The following ACP6 variants were observed in gnomAD, a reference collection of about 807,000 sequenced individuals.
ACP6 encodes the protein lysophosphatidic acid phosphatase type 6.
In ACP6, 48 loss-of-function variants were observed where a neutral mutation model predicts 48.1. That is an observed-to-expected ratio of 1.00 (90% CI 0.79 to 1.27). The LOEUF is 1.27. ACP6 is among the 50% of genes most tolerant of loss of function. ACP6 has a pLI of 0.00. For missense variants in ACP6, 485 were observed against 529.1 expected (o/e 0.92, Z 0.82); for synonymous variants, 172 against 204.2 (o/e 0.84, Z 1.34).
At chr1:147,651,546 T>C (rs1412750908) in intron 7 of ACP6, 3 of 152,016 alleles carry the variant, frequency 2.0e-5, no homozygotes, top group African/African-American at 7.3e-5. Context: ...ACAATTTAGG[T>C]ATGGTGGCAC....
intron 1 of ACP6, among the ~76,000 whole-genome samples, chr1:147,662,700 G>T (rs1660606923): frequency 6.6e-6 from 1 of 152,220 alleles, no homozygotes; most frequent in African/African-American, 2.4e-5. Flanking sequence ...TGTGAACACT[G>T]TTGAAATTAC....
intron 4 of ACP6, among the ~76,000 whole-genome samples, chr1:147,656,732 A>G (rs1553211682): frequency 1.3e-5 from 2 of 152,228 alleles, no homozygotes; most frequent in East Asian, 3.8e-4. Flanking sequence ...AAACAAGTTA[A>G]TATATGCGAA....
At chr1:147,649,570 G>A (rs1570952181) in intron 8 of ACP6, among the ~76,000 whole-genome samples, 1 of 151,862 alleles carries the variant, frequency 6.6e-6, no homozygotes, top group Non-Finnish European at 1.5e-5. Flanking sequence ...TCAACCTCCC[G>A]AGTAGCTGAG....
chr1:147,660,657 G>A lies in ACP6; in HGVS notation c.220-882C>T, dbSNP rs995717807. 4.6e-5 allele frequency among the ~76,000 whole-genome samples: 7 copies of A among 152,148 alleles called. No homozygotes were observed. In the South Asian group the frequency reaches 8.3e-4, roughly 18 times the overall value. ...TAGAATGTAAACCTTATTAGTGCCT[G>A]TGACAAACTCCTCCCTTTCACCTGC... On this transcript the variant is annotated intron_variant, in intron 1 of 9. Coordinates refer to ENST00000583509, the MANE Select transcript of ACP6 (RefSeq NM_016361.5).
Position 147,655,225 on chromosome 1 carries a change from C to T in ACP6, c.583G>A (p.Glu195Lys), listed in dbSNP as rs1660191369. Residue 195 changes from glutamate to lysine, a missense_variant, in exon 5 of 10, where the codon GAA becomes AAA. By Grantham distance (56) the Glu-to-Lys change is moderately conservative (BLOSUM62 1). Coordinates refer to ENST00000583509, the MANE Select transcript of ACP6 (RefSeq NM_016361.5). ...KEGPIIIHTD[E>K]ADSEVLYPNY... ...GGATACAAGACTTCTGAATCTGCTT[C>T]ATCAGTGTGGATGATGATGGGTCCT... 1.9e-6 allele frequency: 3 copies of T among 1,607,506 alleles called. No homozygotes were observed. In the South Asian group the frequency reaches 3.3e-5, roughly 18 times the overall value.
chr1:147,653,149 G>A (rs1278024108), intron 6 of ACP6, among the ~76,000 whole-genome samples: 1 of 112,426 alleles, frequency 8.9e-6, no homozygotes, highest in Non-Finnish European at 2.0e-5. Flanking sequence ...TTTTTTTTTT[G>A]AGATGGAGTC....
Position 147,644,962 on chromosome 1 carries a change from A to T in ACP6, c.*2461T>A, listed in dbSNP as rs1553209280. The T allele has an allele frequency of 1.3e-5, 2 of 149,630 alleles. No individual in the cohort carries two copies. Among genetic ancestry groups the T allele is most frequent in the African/African-American group, 2.5e-5 (1 of 40,508 alleles). The allele number at this position is 149,630 out of a possible 1,614,324, so 9.3% of individuals were successfully genotyped here. On this transcript the variant is annotated 3_prime_UTR_variant, in exon 10 of 10. Transcript: ENST00000583509. The stretch of plus-strand genomic sequence containing the variant: ...TATAAATTTAGGAGACATTGTGTAA[A>T]TATTTAAAACTGGAAATTCTTTTTT...
downstream of ACP6, among the ~76,000 whole-genome samples, chr1:147,641,103 C>G (rs781909901): frequency 2.0e-5 from 3 of 152,314 alleles, no homozygotes; most frequent in African/African-American, 4.8e-5. Flanking sequence ...ACCCCTCCCC[C>G]CACAGCCCGC....
At chr1:147,658,096 C>T (rs909228870) in intron 4 of ACP6, among the ~76,000 whole-genome samples, 1 of 152,228 alleles carries the variant, frequency 6.6e-6, no homozygotes, top group African/African-American at 2.4e-5. Flanking sequence ...GTGACCTAGA[C>T]ACGTACTGTT....
At chr1:147,658,903 G>T in intron 4 of ACP6, 57 bp downstream of exon 4, 1 of 1,480,238 alleles carries the variant, frequency 6.8e-7, no homozygotes, top group Non-Finnish European at 9.2e-7. Context: ...AGGGGCTTCG[G>T]AAGTGAGAAG....
intron 6 of ACP6, among the ~76,000 whole-genome samples, chr1:147,653,207 T>C (rs1660052005): frequency 6.6e-6 from 1 of 151,866 alleles, no homozygotes; most frequent in Non-Finnish European, 1.5e-5. Flanking sequence ...CTCGGCTCAC[T>C]GCAACCCCTG....
At position 147,644,753 on chromosome 1, in the gene ACP6, T is replaced by A. The variant is rs1250492266; in HGVS notation, c.*2670A>T. 6.6e-6 allele frequency: 1 copy of A among 152,206 alleles called. No individual in the cohort carries two copies. Among genetic ancestry groups the A allele is most frequent in the East Asian group, 1.9e-4 (1 of 5,196 alleles). The allele number at this position is 152,206 out of a possible 1,614,324, so 9.4% of individuals were successfully genotyped here. On this transcript the variant is annotated 3_prime_UTR_variant, in exon 10 of 10. Transcript: ENST00000583509. ...GCCAAAGCAACAGGGTGAATGGTGGTGTCATTTACCTAGATGGGAAAGCCT... is the reference window on the plus strand; with the variant it reads ...GCCAAAGCAACAGGGTGAATGGTGGAGTCATTTACCTAGATGGGAAAGCCT...
downstream of ACP6, among the ~76,000 whole-genome samples, chr1:147,642,002 C>T (rs1203448986): frequency 6.6e-6 from 1 of 152,146 alleles, no homozygotes; most frequent in Non-Finnish European, 1.5e-5. Flanking sequence ...TTATACGTTT[C>T]CTTAATTGAT....
intron 3 of ACP6, 79 bp downstream of exon 3, chr1:147,659,317 C>G: frequency 1.3e-6 from 2 of 1,547,206 alleles, no homozygotes; most frequent in Non-Finnish European, 1.7e-6. Flanking sequence ...ACAGTGGGAA[C>G]CATCTTGGGG....
intron 8 of ACP6, 139 bp downstream of exon 8, chr1:147,650,004 G>T: frequency 3.1e-6 from 2 of 643,752 alleles, no homozygotes; most frequent in South Asian, 2.0e-5. Flanking sequence ...GAACCTCTTT[G>T]ACACTTGAGG....
chr1:147,670,154 C>T lies in ACP6; in HGVS notation c.-106G>A. The T allele has an allele frequency of 1.9e-6, 2 of 1,052,134 alleles. No individual in the cohort carries two copies. Among genetic ancestry groups the T allele is most frequent in the African/African-American group, 1.6e-5 (1 of 62,402 alleles). The allele number at this position is 1,052,134 out of a possible 1,614,324, so 65.2% of individuals were successfully genotyped here. A position where few individuals can be genotyped will look rare whatever the true frequency, so the allele number is the denominator to read the frequency against. On this transcript the variant is annotated 5_prime_UTR_variant, in exon 1 of 10. Coordinates refer to ENST00000583509, the MANE Select transcript of ACP6 (RefSeq NM_016361.5). ...GCGCCCCCAAGTCCGCGGGAACCTGCGGATGCGTACATCCAGCCCTTCAGC... is the reference window on the plus strand; with the variant it reads ...GCGCCCCCAAGTCCGCGGGAACCTGTGGATGCGTACATCCAGCCCTTCAGC...
At chr1:147,656,586 G>T (rs1660269350) in intron 4 of ACP6, among the ~76,000 whole-genome samples, 2 of 152,288 alleles carry the variant, frequency 1.3e-5, no homozygotes, top group South Asian at 2.1e-4. Context: ...AACCAAGACT[G>T]CCAGAGTTTG....
Position 147,652,518 on chromosome 1 carries a change from T to C in ACP6, c.812A>G (p.Lys271Arg). The C allele has an allele frequency of 6.2e-7, 1 of 1,613,894 alleles. No homozygotes were observed. The highest frequency in any genetic ancestry group is 8.5e-7 in the Non-Finnish European group (1 of 1,179,818). Residue 271 changes from lysine (K) to arginine (R), a missense_variant, in exon 7 of 10, where the codon AAG (lysine) becomes AGG (arginine). Coordinates refer to ENST00000583509, the MANE Select transcript of ACP6 (RefSeq NM_016361.5). ...AHNLPSCPML[K>R]RFARMIEQRA... ...CTGTTCGATCATCCTTGCAAATCTC[T>C]TCAGCATGGGGCAGCTTGGGAGGTT...
chr1:147,658,345 T>C (rs1660359446), intron 4 of ACP6, among the ~76,000 whole-genome samples: 1 of 152,230 alleles, frequency 6.6e-6, no homozygotes, highest in African/African-American at 2.4e-5. Context: ...AGTAATTAAA[T>C]GTAAATTTGA....
Sources: gnomAD v4.1 joint callset for allele counts (sites outside exome capture counted in the v4.1 genomes callset) on GRCh38, gnomAD v4.1.1 for gene constraint, MANE v1.5 for transcripts, NCBI Gene and HGNC (gene_info 2026-07-23, HGNC 2026-07-21) for gene names.